The following ERC2 variants were observed in gnomAD, a reference collection of about 807,000 sequenced individuals.
ERC2 encodes the protein ERC protein 2.
A neutral mutation model predicts 114.8 loss-of-function variants in ERC2; 42 were observed. The ratio of observed to expected loss-of-function variants is 0.37; its 90% CI spans 0.29 to 0.47. The LOEUF (loss-of-function observed/expected upper bound fraction) is 0.47, where lower values mean the gene tolerates loss of function less well. Among genes scored for constraint, ERC2 ranks in the 20% least tolerant of loss-of-function variants. The pLI is 0.99. For synonymous variants in ERC2, 454 were observed against 425.5 expected (o/e 1.07, Z -0.82); for missense variants, 939 against 1,150.7 (o/e 0.82, Z 2.66).
At chr3:55,617,725 G>C (rs2121011) in intron 17 of ERC2, among the ~76,000 whole-genome samples, 11,361 of 152,224 alleles carry the variant, frequency 0.075, 513 homozygotes, top group Admixed American at 0.095. Context: ...CCAATAAAAG[G>C]ATAAAAGGGC....
intron 12 of ERC2, among the ~76,000 whole-genome samples, chr3:55,954,284 A>C (rs564128037): frequency 1.3e-5 from 2 of 152,304 alleles, no homozygotes; most frequent in Admixed American, 6.5e-5. Flanking sequence ...TTCATAAATC[A>C]AGGGATGTCA....
intron 14 of ERC2, among the ~76,000 whole-genome samples, chr3:55,783,564 C>T (rs897853741): frequency 1.3e-5 from 2 of 152,110 alleles, no homozygotes; most frequent in Non-Finnish European, 2.9e-5. Flanking sequence ...AGAATGACAG[C>T]CCTAAAATAA....
At chr3:55,801,179 A>G (rs1267378249) in intron 14 of ERC2, among the ~76,000 whole-genome samples, 2 of 152,216 alleles carry the variant, frequency 1.3e-5, no homozygotes, top group Non-Finnish European at 2.9e-5. Flanking sequence ...CTGTGATTAC[A>G]TATTACTTAA....
chr3:55,768,199 C>T (rs1157690415), intron 14 of ERC2, among the ~76,000 whole-genome samples: 1 of 152,152 alleles, frequency 6.6e-6, no homozygotes, highest in Non-Finnish European at 1.5e-5. Flanking sequence ...GTATAAATTA[C>T]CTAGTTTTAG....
rs368262866 is a variant in ERC2, at chr3:55,906,431, C to CAA, written c.2404-17884_2404-17883dup. On this transcript the variant is annotated intron_variant, in intron 13 of 17. Coordinates refer to ENST00000288221, the MANE Select transcript of ERC2 (RefSeq NM_015576.3). ...TGGGTGACAGAGCGAGACTCTGTCT[C>CAA]AAAAAAAAAAAAAAAAAAAAAAGTA... Among the ~76,000 whole-genome samples the CAA allele has an allele frequency of 3.8e-3, 259 of 67,740 alleles. 4 individuals are homozygous for CAA. The highest frequency in any genetic ancestry group is 0.015 in the African/African-American group (217 of 14,618). The allele number at this position is 67,740 out of a possible 152,430, so 44.4% of individuals were successfully genotyped here.
chr3:55,692,657 G>A lies in ERC2; in HGVS notation c.2847+6721C>T, dbSNP rs116884173. Among the ~76,000 whole-genome samples the A allele has an allele frequency of 2.6e-5, 4 of 152,296 alleles. No homozygotes were observed. The East Asian group carries it at 7.7e-4, about 29-fold the overall frequency. ...GGCTCTTTTGCCTGTAGAAAGAGGG[G>A]AGAAGGGACATATTTAGGGACCAGA... On this transcript the variant is annotated intron_variant, in intron 16 of 17. Coordinates refer to ENST00000288221, the MANE Select transcript of ERC2 (RefSeq NM_015576.3).
rs574857702 is a variant in ERC2, at chr3:56,187,376, C to T, written c.1075-13856G>A. Among the ~76,000 whole-genome samples, 5 of 152,282 alleles carry T rather than the reference C, an allele frequency of 3.3e-5. No homozygotes were observed. In the South Asian group the frequency reaches 1.0e-3, roughly 32 times the overall value. On this transcript the variant is annotated intron_variant, in intron 3 of 17. Transcript: ENST00000288221. ...CAAAATGAGCATCTGTTACAATCTA[C>T]GATTCAGAGGTTGTACACAGAACTC...
chr3:55,920,383 G>A (rs927231479), intron 13 of ERC2, among the ~76,000 whole-genome samples: 1 of 148,796 alleles, frequency 6.7e-6, no homozygotes, highest in African/African-American at 2.5e-5. Flanking sequence ...TAAATGAGAA[G>A]ATCTAGTTAC....
At chr3:55,591,605 G>GCA (rs1559707421) in intron 17 of ERC2, among the ~76,000 whole-genome samples, 2 of 151,886 alleles carry the variant, frequency 1.3e-5, no homozygotes, top group African/African-American at 4.8e-5. Flanking sequence ...GTGTGTGCGC[G>GCA]CGCGTGTGGT....
intron 17 of ERC2, among the ~76,000 whole-genome samples, chr3:55,642,337 TTTTTTTTTTTC>T (rs1472154358): frequency 2.5e-4 from 14 of 56,468 alleles, no homozygotes; most frequent in Admixed American, 6.1e-4. Context: ...TTTTCTTTTC[TTTTTTTTTTTC>T]TTTTTTGACA....
At chr3:55,939,709 A>C (rs1159899180) in intron 13 of ERC2, among the ~76,000 whole-genome samples, 4 of 152,224 alleles carry the variant, frequency 2.6e-5, no homozygotes. Flanking sequence ...AATTAGGAGA[A>C]AAATAGCCCC....
intron 3 of ERC2, among the ~76,000 whole-genome samples, chr3:56,198,604 G>A (rs2048239413): frequency 6.6e-6 from 1 of 152,186 alleles, no homozygotes; most frequent in Admixed American, 6.5e-5. Context: ...GGACAACTGA[G>A]TACATGAAAG....
chr3:55,868,539 G>A (rs547961213), intron 14 of ERC2, among the ~76,000 whole-genome samples: 10 of 152,256 alleles, frequency 6.6e-5, no homozygotes, highest in South Asian at 2.1e-4. Context: ...CCTCCCTCCC[G>A]GCTGATTTGG....
chr3:55,615,991 A>G (rs377101048), intron 17 of ERC2, among the ~76,000 whole-genome samples: 2 of 152,070 alleles, frequency 1.3e-5, no homozygotes, highest in African/African-American at 4.8e-5. Flanking sequence ...AACTCCATAT[A>G]CCTTCTGGTC....
At chr3:56,337,814 T>G (rs1396785228) in intron 2 of ERC2, among the ~76,000 whole-genome samples, 2 of 152,212 alleles carry the variant, frequency 1.3e-5, no homozygotes, top group East Asian at 3.8e-4. Flanking sequence ...CACAGGAGCA[T>G]CATTCAGAAT....
At chr3:55,783,328 G>T (rs1394731740) in intron 14 of ERC2, among the ~76,000 whole-genome samples, 1 of 152,146 alleles carries the variant, frequency 6.6e-6, no homozygotes, top group African/African-American at 2.4e-5. Flanking sequence ...TTAATAAAAA[G>T]AAGCAAATAC....
intron 6 of ERC2, among the ~76,000 whole-genome samples, chr3:56,081,237 G>A (rs2077215295): frequency 6.6e-6 from 1 of 152,060 alleles, no homozygotes; most frequent in Non-Finnish European, 1.5e-5. Context: ...TTATGAAATA[G>A]TAGTAGGTTT....
At chr3:55,620,340 A>G (rs2059275023) in intron 17 of ERC2, among the ~76,000 whole-genome samples, 1 of 152,224 alleles carries the variant, frequency 6.6e-6, no homozygotes, top group Admixed American at 6.5e-5. Context: ...ATTTCCAGCT[A>G]ACTTGAAAGA....
At chr3:55,607,633 A>G (rs1265549128) in intron 17 of ERC2, among the ~76,000 whole-genome samples, 4 of 125,770 alleles carry the variant, frequency 3.2e-5, no homozygotes, top group Non-Finnish European at 6.8e-5. Flanking sequence ...TTTTTTTTCT[A>G]TAAGAAGAGA....
Sources: allele counts gnomAD v4.1 joint callset (sites outside exome capture counted in the v4.1 genomes callset), GRCh38; gene constraint gnomAD v4.1.1; transcripts MANE v1.5; gene names NCBI Gene and HGNC (gene_info 2026-07-23, HGNC 2026-07-21).